PARP9: variants seen among roughly 807,000 people sequenced by gnomAD.
The protein encoded by PARP9 is poly(ADP-ribose) polymerase family member 9.
PARP9 carries 48 observed loss-of-function variants against 68.8 expected under a neutral mutation model. The observed-to-expected ratio is 0.70, with a 90% CI of 0.55 to 0.89. The LOEUF (loss-of-function observed/expected upper bound fraction) is 0.89, where lower values mean the gene tolerates loss of function less well. PARP9 is among the 40% of genes least tolerant of loss of function. The probability of loss-of-function intolerance (pLI) is 0.00; values close to 1 mark genes in which losing one functional copy is unlikely to be tolerated. For synonymous variants in PARP9, 309 were observed against 333.8 expected (o/e 0.93, Z 0.81); for missense variants, 806 against 969.3 (o/e 0.83, Z 2.24).
intron 1 of PARP9, among the ~76,000 whole-genome samples, chr3:122,562,346 C>A (rs1008023255): frequency 3.6e-5 from 5 of 137,030 alleles, no homozygotes. Context: ...CCACGCCTGG[C>A]TAATTTTTTT....
chr3:122,546,695 T>C (rs2078724236), intron 6 of PARP9, among the ~76,000 whole-genome samples: 2 of 152,194 alleles, frequency 1.3e-5, no homozygotes, highest in Non-Finnish European at 1.5e-5. Context: ...TAAATTACTG[T>C]GTAAAATAAT....
rs573313425 is a variant in PARP9 at position 122,563,884 on chromosome 3, T to C, written c.-90+361A>G. Among the ~76,000 whole-genome samples the C allele has an allele frequency of 8.5e-4, 130 of 152,120 alleles. 1 individual carries two copies. The highest frequency in any genetic ancestry group is 2.8e-3 in the African/African-American group (116 of 41,474). On this transcript the variant is annotated intron_variant, in intron 1 of 10. Coordinates refer to ENST00000682323, the MANE Select transcript of PARP9 (RefSeq NM_001146105.2). ...GCAGCAAGAAACAATTCAGTGCTGT[T>C]GGTTAAATCAAGCAATGGAGGAGAA...
At chr3:122,529,234 T>TAAAAAAAAA (rs59705545) in intron 10 of PARP9, among the ~76,000 whole-genome samples, 1 of 77,266 alleles carries the variant, frequency 1.3e-5, no homozygotes, top group African/African-American at 5.0e-5. Context: ...GCGAAACTCT[T>TAAAAAAAAA]AAAAAAAAAA....
intron 10 of PARP9, 54 bp downstream of exon 10, chr3:122,536,114 G>A: frequency 1.2e-6 from 2 of 1,613,570 alleles, no homozygotes; most frequent in Non-Finnish European, 1.7e-6. Flanking sequence ...ATCTACTGAT[G>A]TCAGCTCACC....
At chr3:122,547,102 ATTTTTTTTTC>A (rs1421285944) in intron 6 of PARP9, among the ~76,000 whole-genome samples, 1 of 123,226 alleles carries the variant, frequency 8.1e-6, no homozygotes, top group Non-Finnish European at 1.7e-5. Context: ...ATATACACGT[ATTTTTTTTTC>A]TTTTTTTTTT....
chr3:122,548,415 G>A (rs1432709845), intron 6 of PARP9, among the ~76,000 whole-genome samples: 2 of 152,180 alleles, frequency 1.3e-5, no homozygotes, highest in Non-Finnish European at 2.9e-5. Flanking sequence ...ATGCCGAGAA[G>A]TCTCTCTAAA....
At chr3:122,531,317 T>G (rs6780909) in intron 10 of PARP9, among the ~76,000 whole-genome samples, 34,153 of 152,228 alleles carry the variant, frequency 0.22, 4,254 homozygotes, top group Non-Finnish European at 0.27. Context: ...CAAGGTAATA[T>G]TTTGAGATAA....
Position 122,556,114 on chromosome 3 carries a change from A to G in PARP9, c.57T>C (p.Gly19=). The G allele has an allele frequency of 1.1e-6, 1 of 941,092 alleles. No individual in the cohort carries two copies. The highest frequency in any genetic ancestry group is 1.5e-6 in the Non-Finnish European group (1 of 652,566). 58.3% of individuals were successfully genotyped at this position (941,092 alleles called of 1,614,324 possible). ...AAAYNEKSET[G]ALGENYSWQI... is the part of the protein sequence containing the mutation. Reference sequence around the variant, plus strand: ...GCCAACTATAGTTTTCTCCAAGAGCACCAGTCTCTGGAAAAGAAGAGAAGA... The same window carrying G: ...GCCAACTATAGTTTTCTCCAAGAGCGCCAGTCTCTGGAAAAGAAGAGAAGA... Residue 19 remains glycine (G), a synonymous_variant, in exon 4 of 11, where the codon GGT becomes GGC. Transcript: ENST00000682323.
chr3:122,559,615 G>T lies in PARP9; in HGVS notation c.6C>A (p.Asp2Glu). 2 of 1,590,526 alleles carry T rather than the reference G, an allele frequency of 1.3e-6. No individual in the cohort carries two copies. The highest frequency in any genetic ancestry group is 1.7e-6 in the Non-Finnish European group (2 of 1,168,292). The change falls in exon 2 of 11, where the codon GAC becomes GAA. Residue 2 changes from aspartate (D) to glutamate (E), a missense_variant. Physicochemically the swap from Asp to Glu is conservative, Grantham distance 45. Transcript: ENST00000682323. ...CATTTATGCTTTTTACCATGGAAAA[G>T]TCCATCCTCCAGGTCCCCGGGGGAG... MDFSMVAGAAAY... is the reference protein window; with the variant it reads MEFSMVAGAAAY...
chr3:122,540,681 A>G lies in PARP9; in HGVS notation c.1556T>C (p.Leu519Pro). ...CAAAATGTCATGTTCCTTTCTCCCA[A>G]GGTACAGAATATGATTATTCTCAAT... ...HIIENNHILY[L>P]GRKEHDILSQ... Residue 519 changes from leucine to proline, a missense_variant, in exon 8 of 11, where the codon CTT (leucine) becomes CCT (proline). Physicochemically the swap from Leu to Pro is moderately conservative, Grantham distance 98. Coordinates refer to ENST00000682323, the MANE Select transcript of PARP9 (RefSeq NM_001146105.2). The G allele has an allele frequency of 6.2e-7, 1 of 1,614,126 alleles. No individual in the cohort carries two copies. The highest frequency in any genetic ancestry group is 8.5e-7 in the Non-Finnish European group (1 of 1,180,018).
At chr3:122,542,742 T>G (rs1293985704) in intron 7 of PARP9, among the ~76,000 whole-genome samples, 1 of 152,002 alleles carries the variant, frequency 6.6e-6, no homozygotes, top group Non-Finnish European at 1.5e-5. Context: ...CCTCCCAAAG[T>G]GCTGGGATTA....
chr3:122,540,898 G>GTTTTTTTTTTT, intron 7 of PARP9, 46 bp from the exon 8 acceptor site: 1 of 1,462,930 alleles, frequency 6.8e-7, no homozygotes, highest in Non-Finnish European at 9.1e-7. Context: ...GCAGTTTTTT[G>GTTTTTTTTTTT]TTTTTTTTTT....
rs957636584 is a variant in PARP9, at chr3:122,540,416, C to G, written c.1765+56G>C. 4 of 1,588,374 alleles carry G rather than the reference C, an allele frequency of 2.5e-6. No homozygotes were observed. In the African/African-American group the frequency reaches 4.1e-5, roughly 16 times the overall value. ...ACATCCATACATACACGCTCACACC[C>G]AAAAGAAGAAACAATGGGGAGAATT... is the stretch of plus-strand genomic sequence containing the variant. On this transcript the variant is annotated intron_variant, in intron 8 of 10. Coordinates refer to ENST00000682323, the MANE Select transcript of PARP9 (RefSeq NM_001146105.2).
At chr3:122,528,872 T>C (rs774652365) in intron 10 of PARP9, 129 bp from the exon 11 acceptor site, 30 of 938,198 alleles carry the variant, frequency 3.2e-5, no homozygotes, top group Non-Finnish European at 4.3e-5. Flanking sequence ...TGAGTTCCTG[T>C]GTCTATAGCA....
In PARP9 at chr3:122,528,749, A is replaced by C; in HGVS notation, c.2081-6T>G. 2 of 1,558,820 alleles carry C rather than the reference A, an allele frequency of 1.3e-6. No individual in the cohort carries two copies. The highest frequency in any genetic ancestry group is 1.4e-5 in the African/African-American group (1 of 72,460). ...GCCAGCTCCGTATTTTGGATCTGAT[A>C]AAGGAAAAAATAAAATAAAAAGATT... On this transcript the variant is annotated splice_polypyrimidine_tract_variant and splice_region_variant and intron_variant, in intron 10 of 10. Transcript: ENST00000682323.
intron 10 of PARP9, chr3:122,533,921 A>G: frequency 1.0e-6 from 1 of 985,478 alleles, no homozygotes; most frequent in Non-Finnish European, 1.2e-6. Context: ...GAGCTTTTGT[A>G]CTCCAAATAA....
In PARP9 at chr3:122,536,991, AG is replaced by A. The variant is rs1173011649; in HGVS notation, c.1847del (p.Thr616IlefsTer5). On this transcript the variant is annotated frameshift_variant, in exon 9 of 11. Transcript: ENST00000682323. LOFTEE classifies it high-confidence loss of function. ...IIFLKCPVPP[T>X]QELLDQKKQF... ...GTTTCTTTTGATCTAGAAGCTCTTGAGTTGGAGGCACAGGACATTTCAGAAA... is the reference window on the plus strand; with the variant it reads ...GTTTCTTTTGATCTAGAAGCTCTTGATTGGAGGCACAGGACATTTCAGAAA... 2 of 1,613,848 alleles carry A rather than the reference AG, an allele frequency of 1.2e-6. No individual in the cohort carries two copies. Among genetic ancestry groups the A allele is most frequent in the African/African-American group, 2.7e-5 (2 of 74,918 alleles).
intron 8 of PARP9, among the ~76,000 whole-genome samples, chr3:122,539,567 C>CTTTTTT (rs1177248789): frequency 1.2e-5 from 1 of 86,916 alleles, no homozygotes; most frequent in African/African-American, 4.5e-5. Flanking sequence ...TTCTTTCTTT[C>CTTTTTT]TTTTTTTTTT....
chr3:122,534,551 T>A, intron 10 of PARP9: 1 of 615,184 alleles, frequency 1.6e-6, no homozygotes, highest in Non-Finnish European at 2.0e-6. Context: ...ATATAATGAG[T>A]ATGTTGGGGG....
Sources: gnomAD v4.1 joint callset for allele counts (sites outside exome capture counted in the v4.1 genomes callset) on GRCh38, gnomAD v4.1.1 for gene constraint, MANE v1.5 for transcripts, NCBI Gene and HGNC (gene_info 2026-07-23, HGNC 2026-07-21) for gene names.